The following SLCO2A1 variants were observed in gnomAD, a reference collection of about 807,000 sequenced individuals.
SLCO2A1 encodes matrin F/G 1.
Under a neutral mutation model 71.7 loss-of-function variants are expected in SLCO2A1, and 60 were observed. The observed-to-expected ratio is 0.84, with a 90% CI of 0.68 to 1.04. The LOEUF (loss-of-function observed/expected upper bound fraction) is 1.04. Ranked by LOEUF, SLCO2A1 falls within the 50% of genes least tolerant of loss-of-function variation. SLCO2A1 has a pLI of 0.00. For synonymous variants in SLCO2A1, 308 were observed against 326.7 expected (o/e 0.94, Z 0.62); for missense variants, 745 against 813.4 (o/e 0.92, Z 1.02).
At chr3:133,956,488 A>C (rs2108046611) in intron 3 of SLCO2A1, among the ~76,000 whole-genome samples, 1 of 152,372 alleles carries the variant, frequency 6.6e-6, no homozygotes, top group African/African-American at 2.4e-5. Context: ...AGCCTGTCCC[A>C]GGAAAAGGAA....
At chr3:133,986,250 AGTTTTTTGTTTTTT>A (rs373570917) in intron 1 of SLCO2A1, among the ~76,000 whole-genome samples, 11 of 152,130 alleles carry the variant, frequency 7.2e-5, no homozygotes, top group East Asian at 3.9e-4. Context: ...TTTGACAAAC[AGTTTTTTGTTTTTT>A]GTTTTTTGTT....
At chr3:133,998,926 T>C (rs1172559135) in intron 1 of SLCO2A1, 1 of 152,262 alleles carries the variant, frequency 6.6e-6, no homozygotes, top group Non-Finnish European at 1.5e-5. Flanking sequence ...CACACTGACG[T>C]TTTGCCATAC....
At chr3:133,961,443 G>T (rs775802205) in intron 3 of SLCO2A1, among the ~76,000 whole-genome samples, 3 of 152,138 alleles carry the variant, frequency 2.0e-5, no homozygotes, top group Non-Finnish European at 4.4e-5. Context: ...TTTGAACATT[G>T]TTGCTGACTT....
chr3:133,966,348 A>G (rs551900605), intron 3 of SLCO2A1, among the ~76,000 whole-genome samples: 29 of 152,352 alleles, frequency 1.9e-4, no homozygotes, highest in Admixed American at 1.2e-3. Flanking sequence ...GTTCAAACAC[A>G]TCAGCCACCA....
chr3:133,967,476 T>C (rs924597292), intron 3 of SLCO2A1, among the ~76,000 whole-genome samples: 1 of 152,180 alleles, frequency 6.6e-6, no homozygotes, highest in Non-Finnish European at 1.5e-5. Flanking sequence ...GTGTTTTCTA[T>C]CATTTCTCCA....
At chr3:133,968,031 C>T (rs1358500127) in intron 3 of SLCO2A1, among the ~76,000 whole-genome samples, 1 of 137,208 alleles carries the variant, frequency 7.3e-6, no homozygotes, top group South Asian at 2.5e-4. Context: ...CACCCCACCC[C>T]ACCTCCACAC....
intron 1 of SLCO2A1, among the ~76,000 whole-genome samples, chr3:133,982,845 C>G (rs1934626057): frequency 6.6e-6 from 1 of 152,122 alleles, no homozygotes; most frequent in Non-Finnish European, 1.5e-5. Context: ...CAGGTCACGC[C>G]TGAATTGGCC....
chr3:133,941,727 T>A (rs1266216066), intron 11 of SLCO2A1, among the ~76,000 whole-genome samples: 1 of 152,114 alleles, frequency 6.6e-6, no homozygotes, highest in East Asian at 1.9e-4. Context: ...CTTCCTGACC[T>A]GGGAACTTGG....
At chr3:134,021,881 G>A (rs1019094397) in intron 1 of SLCO2A1, among the ~76,000 whole-genome samples, 2 of 151,948 alleles carry the variant, frequency 1.3e-5, no homozygotes, top group Non-Finnish European at 2.9e-5. Context: ...GTAAACAAGG[G>A]CGTATCCTGA....
At chr3:134,002,158 A>C (rs914417619) in intron 1 of SLCO2A1, among the ~76,000 whole-genome samples, 1 of 152,230 alleles carries the variant, frequency 6.6e-6, no homozygotes, top group African/African-American at 2.4e-5. Flanking sequence ...TTTCCAAACT[A>C]TCTGGGGGCA....
At position 133,942,594 on chromosome 3, in the gene SLCO2A1, T is replaced by A. The variant is rs1275663145; in HGVS notation, c.1625+11A>T. The A allele has an allele frequency of 6.2e-7, 1 of 1,601,628 alleles. No individual in the cohort carries two copies. The highest frequency in any genetic ancestry group is 2.3e-5 in the East Asian group (1 of 44,270). ...AGCCACGCCCCAGACTCACAGAGGTTTGCCACTCACCGCAGAACCATCATG... is the reference window on the plus strand; with the variant it reads ...AGCCACGCCCCAGACTCACAGAGGTATGCCACTCACCGCAGAACCATCATG... On this transcript the variant is annotated intron_variant, in intron 11 of 13. Coordinates refer to ENST00000310926, the MANE Select transcript of SLCO2A1 (RefSeq NM_005630.3).
chr3:133,956,633 C>T (rs1933905375), intron 3 of SLCO2A1, among the ~76,000 whole-genome samples: 1 of 152,230 alleles, frequency 6.6e-6, no homozygotes, highest in African/African-American at 2.4e-5. Flanking sequence ...ACTCCATGTT[C>T]ATTATCCTGC....
At chr3:134,016,323 C>A (rs1357326989) in intron 1 of SLCO2A1, among the ~76,000 whole-genome samples, 3 of 151,130 alleles carry the variant, frequency 2.0e-5, no homozygotes, top group Non-Finnish European at 2.9e-5. Flanking sequence ...AAAGAACTCT[C>A]AAAATGCAAC....
intron 3 of SLCO2A1, among the ~76,000 whole-genome samples, chr3:133,966,708 G>T (rs940908977): frequency 3.3e-5 from 5 of 152,224 alleles, no homozygotes; most frequent in Admixed American, 6.5e-5. Context: ...TCTCCTTGTT[G>T]TTTCCAACCT....
At chr3:134,024,930 A>C (rs1435626426) in intron 1 of SLCO2A1, among the ~76,000 whole-genome samples, 1 of 151,834 alleles carries the variant, frequency 6.6e-6, no homozygotes, top group Non-Finnish European at 1.5e-5. Context: ...GAGGTGTTGG[A>C]CTCAGTTTAT....
intron 9 of SLCO2A1, 134 bp from the exon 10 acceptor site, chr3:133,945,394 T>G: frequency 7.0e-6 from 6 of 859,672 alleles, no homozygotes; most frequent in Non-Finnish European, 1.1e-5. Flanking sequence ...AGTGCCACCC[T>G]GGGATCTGAA....
chr3:133,969,601 G>T (rs1934280602), intron 3 of SLCO2A1, among the ~76,000 whole-genome samples: 1 of 151,850 alleles, frequency 6.6e-6, no homozygotes, highest in Non-Finnish European at 1.5e-5. Flanking sequence ...GCCCAGTCTG[G>T]TCTCGAACTC....
intron 3 of SLCO2A1, among the ~76,000 whole-genome samples, chr3:133,962,570 C>G (rs571290395): frequency 2.5e-4 from 38 of 152,288 alleles, no homozygotes; most frequent in Non-Finnish European, 4.1e-4. Flanking sequence ...TAATGGACAG[C>G]CTCTGGCAGA....
intron 6 of SLCO2A1, among the ~76,000 whole-genome samples, chr3:133,949,386 C>T (rs778321177): frequency 3.3e-5 from 5 of 151,986 alleles, no homozygotes; most frequent in Non-Finnish European, 7.4e-5. Flanking sequence ...GTTTCCAGCC[C>T]CACCGTCCTC....
Sources: gnomAD v4.1 joint callset for allele counts (sites outside exome capture counted in the v4.1 genomes callset) on GRCh38, gnomAD v4.1.1 for gene constraint, MANE v1.5 for transcripts, NCBI Gene and HGNC (gene_info 2026-07-23, HGNC 2026-07-21) for gene names.